The following PCGF2 variants were observed in gnomAD, a reference collection of about 807,000 sequenced individuals.
PCGF2 encodes the protein polycomb group ring finger 2.
Under a neutral mutation model 36.1 loss-of-function variants are expected in PCGF2, and 8 were observed. The observed-to-expected ratio is 0.22, with a 90% CI of 0.13 to 0.40. The LOEUF is 0.40. Among genes scored for constraint, PCGF2 ranks in the 10% least tolerant of loss-of-function variants. The pLI is 1.00. For missense variants in PCGF2, 436 were observed against 475.9 expected (o/e 0.92, Z 0.78); for synonymous variants, 198 against 191.2 (o/e 1.04, Z -0.29).
intron 6 of PCGF2, 103 bp from the exon 7 acceptor site, chr17:38,738,964 G>A (rs894023400): frequency 1.3e-6 from 2 of 1,529,608 alleles, no homozygotes; most frequent in African/African-American, 2.7e-5. Flanking sequence ...GCCACCTTCT[G>A]GAGAGGTGTG....
chr17:38,736,800 C>T (rs541095903), intron 9 of PCGF2, among the ~76,000 whole-genome samples: 15 of 152,130 alleles, frequency 9.9e-5, no homozygotes, highest in Admixed American at 9.2e-4. Context: ...TGCCCCTGAA[C>T]TCCAGCCTGG....
In PCGF2 at chr17:38,740,426, GAC is replaced by G; in HGVS notation, c.-26_-25del. The G allele has an allele frequency of 1.5e-6, 1 of 677,242 alleles. No homozygotes were observed. 42.0% of individuals were successfully genotyped at this position (677,242 alleles called of 1,614,324 possible). On this transcript the variant is annotated 5_prime_UTR_variant, in exon 3 of 11. Transcript: ENST00000620225. ...ATGATTCCGGGGTCGGGGGTGGGGG[GAC>G]TGGGGAGCGTTGCCCTGGGAAACGG...
intron 9 of PCGF2, among the ~76,000 whole-genome samples, chr17:38,738,112 C>T (rs776506163): frequency 9.9e-5 from 15 of 152,278 alleles, no homozygotes; most frequent in Admixed American, 4.6e-4. Flanking sequence ...GCCACAGTTC[C>T]GAGTGTGCAA....
rs181066827 is a variant in PCGF2, at chr17:38,736,186, G to A, written c.577-16C>T. ...GAACCTCCACCTGGGGGAGGGAAGC[G>A]GAGGACACCATGACCCTGGCCAGCT... On this transcript the variant is annotated splice_polypyrimidine_tract_variant and intron_variant, in intron 9 of 10. Coordinates refer to ENST00000620225, the MANE Select transcript of PCGF2 (RefSeq NM_007144.3). The A allele has an allele frequency of 5.1e-5, 79 of 1,544,830 alleles. No homozygotes were observed. Among genetic ancestry groups the A allele is most frequent in the Middle Eastern group, 5.0e-4 (3 of 5,964 alleles).
chr17:38,738,720 A>C, intron 7 of PCGF2, 33 bp downstream of exon 7: 1 of 1,590,896 alleles, frequency 6.3e-7, no homozygotes. Flanking sequence ...CCAGACTAGG[A>C]ACCCAGAAGG....
intron 2 of PCGF2, among the ~76,000 whole-genome samples, chr17:38,742,339 G>A (rs1268449508): frequency 6.6e-6 from 1 of 152,134 alleles, no homozygotes; most frequent in Admixed American, 6.5e-5. Flanking sequence ...AGTTTTCTAG[G>A]ACAAGAAATT....
intron 9 of PCGF2, among the ~76,000 whole-genome samples, chr17:38,736,989 G>A (rs1007342945): frequency 3.3e-5 from 5 of 151,534 alleles, no homozygotes; most frequent in Admixed American, 6.6e-5. Flanking sequence ...AGAATTAGCC[G>A]GGTGTGGTGC....
chr17:38,737,061 G>C (rs1337302438), intron 9 of PCGF2, among the ~76,000 whole-genome samples: 1 of 152,064 alleles, frequency 6.6e-6, no homozygotes, highest in Non-Finnish European at 1.5e-5. Flanking sequence ...AGCCCGGGGG[G>C]TCAGCAGAGG....
At chr17:38,741,350 C>T (rs555435881) in intron 2 of PCGF2, among the ~76,000 whole-genome samples, 23 of 152,276 alleles carry the variant, frequency 1.5e-4, no homozygotes, top group Admixed American at 7.8e-4. Context: ...ATCCTAGGAA[C>T]TAGGAGGAAA....
At chr17:38,742,546 G>A (rs1391179097) in intron 2 of PCGF2, among the ~76,000 whole-genome samples, 6 of 152,220 alleles carry the variant, frequency 3.9e-5, no homozygotes, top group Admixed American at 3.9e-4. Flanking sequence ...CAGAGACATG[G>A]CGGAGAGGTG....
At chr17:38,738,649 C>G (rs1906954129) in intron 7 of PCGF2, 54 bp from the exon 8 acceptor site, 10 of 1,555,958 alleles carry the variant, frequency 6.4e-6, no homozygotes, top group Non-Finnish European at 7.9e-6. Context: ...CCAGGAGACC[C>G]AGGAGGATGA....
Position 38,739,774 on chromosome 17 carries a change from C to T in PCGF2, c.113-92G>A. The T allele has an allele frequency of 1.1e-6, 1 of 886,576 alleles. No homozygotes were observed. The allele number at this position is 886,576 out of a possible 1,614,324, so 54.9% of individuals were successfully genotyped here. A position where few individuals can be genotyped will look rare whatever the true frequency, so the allele number is the denominator to read the frequency against. On this transcript the variant is annotated intron_variant, in intron 3 of 10. Transcript: ENST00000620225. The surrounding 1 kb of genome is among the most constrained non-coding windows in gnomAD (Gnocchi z 4.0). ...CCTCTGCTCAGACTCAGATATCCCT[C>T]CTCCTCCACCCTGTCCCTGCTCCGA... is the stretch of plus-strand genomic sequence containing the variant.
chr17:38,734,931 A>G lies in PCGF2; in HGVS notation c.*292T>C. ...TTCATCTCCAGGCACCCCCAAAAAC[A>G]GCAAATTACACAAGACCCCCCCCAA... On this transcript the variant is annotated 3_prime_UTR_variant, in exon 11 of 11. Coordinates refer to ENST00000620225, the MANE Select transcript of PCGF2 (RefSeq NM_007144.3). 4.2e-6 allele frequency: 1 copy of G among 239,076 alleles called. No individual in the cohort carries two copies. The highest frequency in any genetic ancestry group is 8.0e-5 in the East Asian group (1 of 12,544). The allele number at this position is 239,076 out of a possible 1,614,324, so 14.8% of individuals were successfully genotyped here. A position where few individuals can be genotyped will look rare whatever the true frequency, so the allele number is the denominator to read the frequency against.
Position 38,739,335 on chromosome 17 carries a change from C to T in PCGF2, c.210-82G>A. On this transcript the variant is annotated intron_variant, in intron 4 of 10. Transcript: ENST00000620225. This position sits in a 1 kb window ranked among gnomAD's most constrained non-coding sequence, Gnocchi z 4.0. ...CGCCCTGCTCTCCCAGCCAGGGTAC[C>T]CCTCTTCCCACCCCCTTCCTGAGAC... The T allele has an allele frequency of 7.8e-7, 1 of 1,285,896 alleles. No individual in the cohort carries two copies. The highest frequency in any genetic ancestry group is 1.1e-6 in the Non-Finnish European group (1 of 886,400). The allele number at this position is 1,285,896 out of a possible 1,614,324, so 79.7% of individuals were successfully genotyped here. A position where few individuals can be genotyped will look rare whatever the true frequency, so the allele number is the denominator to read the frequency against.
Position 38,740,438 on chromosome 17 carries a change from T to C in PCGF2, c.-36A>G. On this transcript the variant is annotated 5_prime_UTR_variant, in exon 3 of 11. Coordinates refer to ENST00000620225, the MANE Select transcript of PCGF2 (RefSeq NM_007144.3). ...TCGGGGGTGGGGGGACTGGGGAGCG[T>C]TGCCCTGGGAAACGGAAGTGGAATC... The C allele has an allele frequency of 1.3e-6, 2 of 1,516,338 alleles. No individual in the cohort carries two copies. The highest frequency in any genetic ancestry group is 1.8e-6 in the Non-Finnish European group (2 of 1,110,502). The allele number at this position is 1,516,338 out of a possible 1,614,324, so 93.9% of individuals were successfully genotyped here.
rs752723799 is a variant in PCGF2, at chr17:38,740,339, C to T, written c.64G>A (p.Gly22Arg). The T allele has an allele frequency of 8.1e-6, 13 of 1,610,646 alleles. No individual in the cohort carries two copies. The highest frequency in any genetic ancestry group is 2.2e-5 in the East Asian group (1 of 44,770). ...LNPHLMCALC[G>R]GYFIDATTIV... is the part of the protein sequence containing the mutation. ...GTGGTGGCGTCGATGAAGTACCCCC[C>T]GCAGAGGGCACACATGAGGTGGGGG... The change falls in exon 3 of 11, where the codon GGG (glycine) becomes AGG (arginine). Residue 22 changes from glycine to arginine, a missense_variant. By Grantham distance (125) the Gly-to-Arg change is moderately radical (BLOSUM62 -2). This residue lies in a region of PCGF2 where 189 missense variants were observed against 219.3 expected (regional missense o/e 0.86). Transcript: ENST00000620225.
At chr17:38,749,046 G>T (rs1247825652), upstream of PCGF2, among the ~76,000 whole-genome samples, 1 of 152,220 alleles carries the variant, frequency 6.6e-6, no homozygotes, top group East Asian at 1.9e-4. This position sits in a 1 kb window ranked among gnomAD's most constrained non-coding sequence, Gnocchi z 6.5. Flanking sequence ...GGGGGGATCG[G>T]GTAGCTCTGG....
intron 2 of PCGF2, among the ~76,000 whole-genome samples, chr17:38,745,579 G>A (rs941284776): frequency 1.3e-5 from 2 of 152,238 alleles, no homozygotes; most frequent in Non-Finnish European, 2.9e-5. Flanking sequence ...ACTCAGATGT[G>A]ACTTGTCTAA....
chr17:38,739,181 G>A lies in PCGF2; in HGVS notation c.265+17C>T, dbSNP rs1907004089. 1.2e-6 allele frequency: 2 copies of A among 1,613,962 alleles called. No individual in the cohort carries two copies. The highest frequency in any genetic ancestry group is 1.7e-6 in the Non-Finnish European group (2 of 1,179,830). On this transcript the variant is annotated intron_variant, in intron 5 of 10. Transcript: ENST00000620225. The surrounding 1 kb of genome is among the most constrained non-coding windows in gnomAD (Gnocchi z 4.0). Reference sequence around the variant, plus strand: ...TTGGGAAATGGGGTCAGTGGAGGAGGAATGGAGTGCAGATACCTTTAAAAA... The same window carrying A: ...TTGGGAAATGGGGTCAGTGGAGGAGAAATGGAGTGCAGATACCTTTAAAAA...
Sources: allele counts gnomAD v4.1 joint callset (sites outside exome capture counted in the v4.1 genomes callset), GRCh38; gene constraint gnomAD v4.1.1; regional missense constraint gnomAD v4.1.1; non-coding constraint Gnocchi (gnomAD v3.1); transcripts MANE v1.5; gene names NCBI Gene and HGNC (gene_info 2026-07-23, HGNC 2026-07-21).